MGAT4C: variants seen among roughly 807,000 people sequenced by gnomAD.
MGAT4C encodes the protein MGAT4 family member C, also known as alpha-1,3-mannosyl-glycoprotein 4-beta-N-acetylglucosaminyltransferase C.
Under a neutral mutation model 40.1 loss-of-function variants are expected in MGAT4C, and 19 were observed. That is an observed-to-expected ratio of 0.47 (90% confidence interval 0.33 to 0.70). The LOEUF (loss-of-function observed/expected upper bound fraction) is 0.70. MGAT4C is among the 30% of genes least tolerant of loss of function. The probability of loss-of-function intolerance (pLI) is 0.02; values close to 1 mark genes in which losing one functional copy is unlikely to be tolerated. For synonymous variants in MGAT4C, 181 were observed against 187.1 expected (o/e 0.97, Z 0.27); for missense variants, 491 against 563.2 (o/e 0.87, Z 1.30).
At chr12:86,257,496 G>C (rs545778975), upstream of MGAT4C, among the ~76,000 whole-genome samples, 170 of 152,324 alleles carry the variant, frequency 1.1e-3, no homozygotes, top group African/African-American at 3.8e-3. Flanking sequence ...CCTGGAGAAA[G>C]AGCAAGGAAA....
chr12:86,665,894 A>G (rs1964093348), intron 2 of MGAT4C, among the ~76,000 whole-genome samples: 1 of 152,192 alleles, frequency 6.6e-6, no homozygotes, highest in South Asian at 2.1e-4. Flanking sequence ...TATCTAAAAG[A>G]AAACTATTGA....
At chr12:86,567,304 G>T (rs1960175813) in intron 2 of MGAT4C, among the ~76,000 whole-genome samples, 1 of 152,068 alleles carries the variant, frequency 6.6e-6, no homozygotes, top group Non-Finnish European at 1.5e-5. Context: ...GTTATCAGAG[G>T]AAGAAATGCT....
chr12:85,994,722 A>G (rs1886415774), intron 2 of MGAT4C, among the ~76,000 whole-genome samples: 1 of 152,172 alleles, frequency 6.6e-6, no homozygotes, highest in African/African-American at 2.4e-5. Flanking sequence ...AAAATAGCTG[A>G]TTTCAAGTAG....
At chr12:85,989,750 T>A (rs974807731) in intron 2 of MGAT4C, among the ~76,000 whole-genome samples, 198 bp from the exon 3 acceptor site, 1 of 152,046 alleles carries the variant, frequency 6.6e-6, no homozygotes, top group African/African-American at 2.4e-5. Flanking sequence ...GTGGTTTATA[T>A]TAATGTAGAG....
At chr12:86,262,635 A>C (rs569966871) in intron 4 of MGAT4C, among the ~76,000 whole-genome samples, 2 of 152,240 alleles carry the variant, frequency 1.3e-5, no homozygotes, top group Admixed American at 6.5e-5. Flanking sequence ...TCTTAGGCAT[A>C]TGATTCATTT....
chr12:86,640,539 C>T (rs1220401575), intron 2 of MGAT4C, among the ~76,000 whole-genome samples: 1 of 151,744 alleles, frequency 6.6e-6, no homozygotes, highest in East Asian at 1.9e-4. Flanking sequence ...TTAGTTGATC[C>T]TTTCAAAAAA....
In MGAT4C at chr12:86,797,963, A is replaced by G. The variant is rs747715623; in HGVS notation, c.-262+40703T>C. Among the ~76,000 whole-genome samples, 3 of 152,070 alleles carry G rather than the reference A, an allele frequency of 2.0e-5. No individual in the cohort carries two copies. In the East Asian group the frequency reaches 5.8e-4, roughly 29 times the overall value. ...TGATTTCCTAATCTTTATGTTTATA[A>G]TCATGTCATTAACTTGTGTTCTTTA... On this transcript the variant is annotated intron_variant, in intron 1 of 7. Transcript: ENST00000548651.
intron 2 of MGAT4C, among the ~76,000 whole-genome samples, chr12:86,622,904 T>C (rs376534477): frequency 2.0e-5 from 3 of 151,990 alleles, no homozygotes; most frequent in South Asian, 4.1e-4. Context: ...CATCAAAAAC[T>C]GACAGAAAAG....
chr12:86,313,896 A>C lies in MGAT4C; in HGVS notation c.-57+20169T>G, dbSNP rs146939505. ...GAAATGAGATGCACAAATGTGAAAC[A>C]ATCTTAAATCATTGCTGAAACTATA... is the stretch of plus-strand genomic sequence containing the variant. On this transcript the variant is annotated intron_variant, in intron 4 of 7. Transcript: ENST00000548651. 3.2e-4 allele frequency among the ~76,000 whole-genome samples: 49 copies of C among 152,364 alleles called. 1 individual carries two copies. The highest frequency in any genetic ancestry group is 1.2e-3 in the Admixed American group (19 of 15,304).
chr12:86,283,013 T>A (rs1953258954), intron 4 of MGAT4C, among the ~76,000 whole-genome samples: 1 of 152,054 alleles, frequency 6.6e-6, no homozygotes, highest in Non-Finnish European at 1.5e-5. Flanking sequence ...CATGTGCAAC[T>A]CAGTGCCTGG....
intron 2 of MGAT4C, chr12:86,013,882 G>T (rs945486179): frequency 2.3e-6 from 1 of 443,524 alleles, no homozygotes; most frequent in Non-Finnish European, 3.0e-6. Context: ...AACATTTTTG[G>T]TATTACATGA....
At chr12:86,099,162 T>C (rs1230723683) in intron 1 of MGAT4C, among the ~76,000 whole-genome samples, 1 of 151,480 alleles carries the variant, frequency 6.6e-6, no homozygotes, top group Non-Finnish European at 1.5e-5. Flanking sequence ...GTTATATTTT[T>C]ATGGTTTGAG....
Position 86,644,349 on chromosome 12 carries a change from A to G in MGAT4C, c.-229+82860T>C, listed in dbSNP as rs201428817. 1.3e-4 allele frequency among the ~76,000 whole-genome samples: 19 copies of G among 151,926 alleles called. No homozygotes were observed. In the East Asian group the frequency reaches 3.5e-3, roughly 28 times the overall value. On this transcript the variant is annotated intron_variant, in intron 2 of 7. Coordinates refer to the MGAT4C transcript ENST00000548651. Reference sequence around the variant, plus strand: ...ATTTTAAAATGGTCAGTCACATTAGAAAATGCTCATTTATCCTTAGCAAGT... The same window carrying G: ...ATTTTAAAATGGTCAGTCACATTAGGAAATGCTCATTTATCCTTAGCAAGT...
At chr12:86,681,212 G>A (rs1457420171) in intron 2 of MGAT4C, among the ~76,000 whole-genome samples, 4 of 151,906 alleles carry the variant, frequency 2.6e-5, no homozygotes, top group African/African-American at 9.7e-5. Context: ...GAATTCAATA[G>A]AAATAGCCTC....
intron 2 of MGAT4C, among the ~76,000 whole-genome samples, chr12:86,601,471 C>A (rs1012762866): frequency 6.6e-6 from 1 of 152,086 alleles, no homozygotes; most frequent in Non-Finnish European, 1.5e-5. Flanking sequence ...GGACTACTGC[C>A]TGTGGATAGC....
At chr12:86,330,547 G>T (rs181169369) in intron 4 of MGAT4C, among the ~76,000 whole-genome samples, 6 of 152,094 alleles carry the variant, frequency 3.9e-5, no homozygotes, top group African/African-American at 1.4e-4. Flanking sequence ...GTCTACTGAG[G>T]TGTGATGCTT....
chr12:86,517,369 C>T (rs1453597187), intron 2 of MGAT4C, among the ~76,000 whole-genome samples: 1 of 151,944 alleles, frequency 6.6e-6, no homozygotes, highest in East Asian at 1.9e-4. Context: ...TCAATTCAAA[C>T]ATAAAGTTAG....
In MGAT4C at chr12:86,301,752, A is replaced by G. The variant is rs576101250; in HGVS notation, c.-57+32313T>C. The stretch of plus-strand genomic sequence containing the variant: ...AACATACTCTAACATATCATGCCAT[A>G]TTTCTTCACATATTAAAATATTTTT... On this transcript the variant is annotated intron_variant, in intron 4 of 7. Transcript: ENST00000548651. 2.6e-5 allele frequency among the ~76,000 whole-genome samples: 4 copies of G among 152,322 alleles called. No homozygotes were observed. In the East Asian group the frequency reaches 7.7e-4, roughly 29 times the overall value.
intron 2 of MGAT4C, among the ~76,000 whole-genome samples, chr12:86,474,192 TA>T (rs1281049702): frequency 2.6e-5 from 4 of 151,576 alleles, no homozygotes; most frequent in Non-Finnish European, 5.9e-5. Flanking sequence ...TATGCAGCCA[TA>T]AAAAATGATG....
Sources: allele counts gnomAD v4.1 joint callset (sites outside exome capture counted in the v4.1 genomes callset), GRCh38; gene constraint gnomAD v4.1.1; transcripts MANE v1.5; gene names NCBI Gene and HGNC (gene_info 2026-07-23, HGNC 2026-07-21).